The following RPS6KA2 variants were observed in gnomAD, a reference collection of about 807,000 sequenced individuals.
The protein encoded by RPS6KA2 is ribosomal protein S6 kinase A2, also known as ribosomal protein S6 kinase alpha-2.
RPS6KA2 carries 42 observed loss-of-function variants against 91.8 expected under a neutral mutation model. The ratio of observed to expected loss-of-function variants is 0.46; its 90% CI spans 0.36 to 0.59. The LOEUF (loss-of-function observed/expected upper bound fraction) is 0.59. Ranked by LOEUF, RPS6KA2 falls within the 20% of genes least tolerant of loss-of-function variation. The probability of loss-of-function intolerance (pLI) is 0.00; values close to 1 mark genes in which losing one functional copy is unlikely to be tolerated. For synonymous variants in RPS6KA2, 414 were observed against 393.6 expected (o/e 1.05, Z -0.61); for missense variants, 798 against 978.5 (o/e 0.82, Z 2.46).
At chr6:166,509,332 G>T (rs1435386771) in intron 4 of RPS6KA2, 1 of 170,224 alleles carries the variant, frequency 5.9e-6, no homozygotes, top group Non-Finnish European at 1.5e-5. Flanking sequence ...TAATGTAAAT[G>T]ACACGTGGGA....
intron 2 of RPS6KA2, among the ~76,000 whole-genome samples, chr6:166,815,442 T>C (rs1479545314): frequency 6.6e-6 from 1 of 152,236 alleles, no homozygotes; most frequent in African/African-American, 2.4e-5. Flanking sequence ...CTGTGATTTA[T>C]AGTCACTAAA....
intron 2 of RPS6KA2, among the ~76,000 whole-genome samples, chr6:166,804,385 G>T (rs1056669499): frequency 6.6e-6 from 1 of 151,558 alleles, no homozygotes; most frequent in Non-Finnish European, 1.5e-5. Flanking sequence ...TACAATCAAA[G>T]ATATTAAATA....
At chr6:166,762,220 C>T (rs527867001) in intron 2 of RPS6KA2, among the ~76,000 whole-genome samples, 4 of 152,330 alleles carry the variant, frequency 2.6e-5, no homozygotes, top group African/African-American at 9.6e-5. Flanking sequence ...GCGTCCTCCC[C>T]TCCCTCAGTC....
intron 11 of RPS6KA2, among the ~76,000 whole-genome samples, chr6:166,467,459 G>A (rs187913247): frequency 2.2e-4 from 34 of 152,334 alleles, no homozygotes; most frequent in African/African-American, 3.4e-4. Flanking sequence ...GAGCAAGGCC[G>A]GGGGCTGGGG....
intron 1 of RPS6KA2, among the ~76,000 whole-genome samples, chr6:166,578,265 G>C (rs904016557): frequency 2.0e-5 from 3 of 152,338 alleles, no homozygotes; most frequent in African/African-American, 7.2e-5. Flanking sequence ...TCCTCCATCT[G>C]TGCCCTGGAC....
chr6:166,469,805 C>T (rs369016358), intron 11 of RPS6KA2, 36 bp downstream of exon 11: 90 of 1,571,902 alleles, frequency 5.7e-5, no homozygotes, highest in African/African-American at 5.1e-4. Context: ...TTCTGTGTCA[C>T]GCGTGTGCAG....
chr6:166,742,999 T>C (rs951228155), intron 2 of RPS6KA2, among the ~76,000 whole-genome samples: 22 of 152,226 alleles, frequency 1.4e-4, no homozygotes, highest in African/African-American at 5.1e-4. Context: ...GCTAGAATAC[T>C]GGTATGAAAG....
chr6:166,680,585 A>C (rs1176378169), intron 2 of RPS6KA2, among the ~76,000 whole-genome samples: 2 of 152,208 alleles, frequency 1.3e-5, no homozygotes, highest in Non-Finnish European at 2.9e-5. Flanking sequence ...AGCCAGTGAC[A>C]GCACGAGCCC....
intron 1 of RPS6KA2, among the ~76,000 whole-genome samples, chr6:166,565,957 C>T (rs1271504951): frequency 2.0e-5 from 3 of 152,360 alleles, no homozygotes; most frequent in African/African-American, 4.8e-5. Context: ...AGCATCTTCC[C>T]ATCTTCGTGG....
At chr6:166,650,856 AG>A (rs1256324771) in intron 2 of RPS6KA2, among the ~76,000 whole-genome samples, 1 of 152,172 alleles carries the variant, frequency 6.6e-6, no homozygotes. Context: ...GGCAGGTGAG[AG>A]GGATTTGAGG....
intron 2 of RPS6KA2, among the ~76,000 whole-genome samples, chr6:166,645,027 G>A (rs1787563265): frequency 1.3e-5 from 2 of 152,152 alleles, no homozygotes; most frequent in South Asian, 4.2e-4. Context: ...GAGGGAGTGA[G>A]GCACTGCCCA....
intron 13 of RPS6KA2, among the ~76,000 whole-genome samples, chr6:166,449,790 GGGAGCCACCACGGGGA>G (rs1169086720): frequency 8.6e-6 from 1 of 116,454 alleles, no homozygotes; most frequent in Non-Finnish European, 2.0e-5. Flanking sequence ...GGACCACCAT[GGGAGCCACCACGGGGA>G]CCACCATGGG....
intron 2 of RPS6KA2, among the ~76,000 whole-genome samples, chr6:166,830,648 GC>G (rs139848999): frequency 0.019 from 2,869 of 152,294 alleles, 93 homozygotes; most frequent in African/African-American, 0.065. Context: ...AGTAAGGCCT[GC>G]CCTCTAAATC....
In RPS6KA2 at chr6:166,733,450, A is replaced by G. The variant is rs1790591494; in HGVS notation, c.123+124750T>C. On this transcript the variant is annotated intron_variant, in intron 2 of 21. Transcript: ENST00000503859. The surrounding 1 kb of genome is among the most constrained non-coding windows in gnomAD (Gnocchi z 4.1). ...AACGAGGGCAGGATCTACTCCCAAA[A>G]AGACATAGGGACCCTTACAGTACGA... Among the ~76,000 whole-genome samples, 2 of 152,208 alleles carry G rather than the reference A, an allele frequency of 1.3e-5. No individual in the cohort carries two copies.
intron 11 of RPS6KA2, among the ~76,000 whole-genome samples, chr6:166,463,861 A>G (rs938856861): frequency 3.9e-5 from 6 of 152,342 alleles, no homozygotes; most frequent in African/African-American, 1.4e-4. Flanking sequence ...TCAAAGCGTC[A>G]CGATGGGTGT....
chr6:166,811,000 G>A (rs79942831), intron 2 of RPS6KA2, among the ~76,000 whole-genome samples: 381 of 152,256 alleles, frequency 2.5e-3, no homozygotes, highest in African/African-American at 8.9e-3. Flanking sequence ...CCGGAGGCCC[G>A]CACAGCTGGC....
At chr6:166,742,623 G>A (rs554484919) in intron 2 of RPS6KA2, among the ~76,000 whole-genome samples, 37 of 152,188 alleles carry the variant, frequency 2.4e-4, no homozygotes, top group Admixed American at 1.8e-3. Context: ...TCCTTCATCC[G>A]CCTCTCATTC....
chr6:166,547,353 G>A (rs563097877), intron 1 of RPS6KA2, among the ~76,000 whole-genome samples: 4 of 152,216 alleles, frequency 2.6e-5, no homozygotes, highest in Non-Finnish European at 5.9e-5. Flanking sequence ...CCAAATCCAT[G>A]GCAATCAGTA....
At chr6:166,708,895 C>G (rs1218805432) in intron 2 of RPS6KA2, among the ~76,000 whole-genome samples, 1 of 152,198 alleles carries the variant, frequency 6.6e-6, no homozygotes, top group African/African-American at 2.4e-5. Flanking sequence ...CATTGTACCA[C>G]AAATTGCAAT....
Sources: allele counts gnomAD v4.1 joint callset (sites outside exome capture counted in the v4.1 genomes callset), GRCh38; gene constraint gnomAD v4.1.1; non-coding constraint Gnocchi (gnomAD v3.1); transcripts MANE v1.5; gene names NCBI Gene and HGNC (gene_info 2026-07-23, HGNC 2026-07-21).